The following GRIK2 variants were observed in gnomAD, a reference collection of about 807,000 sequenced individuals.
GRIK2 encodes glutamate receptor ionotropic, kainate 2.
Under a neutral mutation model 100.3 loss-of-function variants are expected in GRIK2, and 32 were observed. That is an observed-to-expected ratio of 0.32 (90% CI 0.24 to 0.43). GRIK2 has a LOEUF of 0.43. GRIK2 is among the 20% of genes least tolerant of loss of function. The pLI is 1.00. For synonymous variants in GRIK2, 417 were observed against 389.4 expected (o/e 1.07, Z -0.83); for missense variants, 843 against 1,114.9 (o/e 0.76, Z 3.47).
intron 7 of GRIK2, among the ~76,000 whole-genome samples, chr6:101,760,506 ATATATTT>A (rs1422894370): frequency 2.1e-5 from 1 of 47,876 alleles, no homozygotes; most frequent in African/African-American, 1.0e-4. Context: ...ATATTTAATT[ATATATTT>A]ATTATATATA....
chr6:101,844,644 A>G (rs1783702480), intron 10 of GRIK2, among the ~76,000 whole-genome samples: 2 of 152,218 alleles, frequency 1.3e-5, no homozygotes. Context: ...TGATTGTGCT[A>G]GATGTTTACA....
intron 15 of GRIK2, among the ~76,000 whole-genome samples, chr6:102,049,026 C>G (rs891943632): frequency 6.6e-6 from 1 of 151,704 alleles, no homozygotes; most frequent in African/African-American, 2.4e-5. Flanking sequence ...TTATTTTTTT[C>G]AAAAATTGGT....
At chr6:101,632,616 T>C (rs1014311141) in intron 4 of GRIK2, among the ~76,000 whole-genome samples, 3 of 152,148 alleles carry the variant, frequency 2.0e-5, no homozygotes, top group African/African-American at 7.2e-5. Context: ...GTTTCTTTGA[T>C]TTCAACTGCA....
intron 1 of GRIK2, among the ~76,000 whole-genome samples, chr6:101,397,213 C>G (rs571542644): frequency 1.8e-4 from 27 of 152,170 alleles, no homozygotes; most frequent in African/African-American, 5.5e-4. Flanking sequence ...TAGTAGATAT[C>G]AGTTATATTG....
At chr6:101,849,209 G>A (rs541663801) in intron 10 of GRIK2, among the ~76,000 whole-genome samples, 1 of 151,832 alleles carries the variant, frequency 6.6e-6, no homozygotes, top group Non-Finnish European at 1.5e-5. Flanking sequence ...AGTAAAGCAT[G>A]GTCTAGGTAG....
intron 12 of GRIK2, among the ~76,000 whole-genome samples, chr6:101,892,222 T>C (rs1417018001): frequency 6.6e-6 from 1 of 152,174 alleles, no homozygotes; most frequent in Admixed American, 6.5e-5. Context: ...TTTGGGTTAC[T>C]TCAAATTTGT....
intron 2 of GRIK2, among the ~76,000 whole-genome samples, chr6:101,556,131 A>G (rs1364852666): frequency 6.6e-6 from 1 of 151,792 alleles, no homozygotes; most frequent in Non-Finnish European, 1.5e-5. Flanking sequence ...TTATATCTCC[A>G]TAAATGCTCA....
chr6:101,754,379 C>G (rs1187548868), intron 7 of GRIK2, among the ~76,000 whole-genome samples: 1 of 152,148 alleles, frequency 6.6e-6, no homozygotes, highest in African/African-American at 2.4e-5. Context: ...GGAAACAAAG[C>G]TATTATGTTG....
intron 2 of GRIK2, among the ~76,000 whole-genome samples, chr6:101,562,625 G>C (rs1461065207): frequency 6.6e-6 from 1 of 152,042 alleles, no homozygotes; most frequent in African/African-American, 2.4e-5. Context: ...TTACAGGTGT[G>C]AGCCACCGTG....
chr6:101,459,633 C>G (rs1771190859), intron 2 of GRIK2, among the ~76,000 whole-genome samples: 1 of 152,116 alleles, frequency 6.6e-6, no homozygotes, highest in African/African-American at 2.4e-5. Flanking sequence ...ATAGGAAGTT[C>G]TAGGTTAACA....
chr6:102,050,584 T>C (rs546839510), intron 15 of GRIK2, among the ~76,000 whole-genome samples: 1 of 147,004 alleles, frequency 6.8e-6, no homozygotes, highest in East Asian at 2.0e-4. Flanking sequence ...GAGGCGGAGG[T>C]TGCAGTGAGC....
In GRIK2 at chr6:101,859,337, T is replaced by C. The variant is rs1784610310; in HGVS notation, c.1368T>C (p.Asn456=). Residue 456 remains asparagine (N), a synonymous_variant, in exon 11 of 17, where the codon AAT becomes AAC. Transcript: ENST00000369134. ...FKKSDKPLYG[N]DRFEGYCIDL... is the part of the protein sequence containing the mutation. ...AGTCTGACAAACCTCTCTATGGTAATGATCGATTTGAAGGCTATTGCATTG... is the reference window on the plus strand; with the variant it reads ...AGTCTGACAAACCTCTCTATGGTAACGATCGATTTGAAGGCTATTGCATTG... 1.9e-6 allele frequency: 3 copies of C among 1,605,700 alleles called. No homozygotes were observed. Among genetic ancestry groups the C allele is most frequent in the East Asian group, 2.2e-5 (1 of 44,784 alleles).
At chr6:101,846,167 T>G (rs112033609) in intron 10 of GRIK2, among the ~76,000 whole-genome samples, 36 of 152,294 alleles carry the variant, frequency 2.4e-4, no homozygotes, top group African/African-American at 8.7e-4. Flanking sequence ...CTTATGATAA[T>G]GTCCAATTTA....
intron 10 of GRIK2, among the ~76,000 whole-genome samples, chr6:101,830,435 A>C: frequency 6.6e-6 from 1 of 151,928 alleles, no homozygotes; most frequent in East Asian, 1.9e-4. Context: ...CTACTTAAAG[A>C]AGTTCTACAT....
At chr6:101,405,539 C>T (rs1455994322) in intron 2 of GRIK2, among the ~76,000 whole-genome samples, 4 of 151,728 alleles carry the variant, frequency 2.6e-5, no homozygotes, top group Non-Finnish European at 5.9e-5. Context: ...GTAGAGAAAC[C>T]ACAGAGACAA....
At chr6:101,394,242 C>T (rs1196584404) in intron 1 of GRIK2, among the ~76,000 whole-genome samples, 1 of 152,172 alleles carries the variant, frequency 6.6e-6, no homozygotes, top group South Asian at 2.1e-4. Flanking sequence ...CTTCTGCCCA[C>T]CCATCCTTCC....
At chr6:101,633,225 A>T (rs371025267) in intron 4 of GRIK2, among the ~76,000 whole-genome samples, 2 of 152,102 alleles carry the variant, frequency 1.3e-5, no homozygotes, top group African/African-American at 4.8e-5. Context: ...CCTGCTTTCA[A>T]ACCACCATGG....
At chr6:101,684,888 TGA>T (rs1196855748) in intron 6 of GRIK2, among the ~76,000 whole-genome samples, 8 of 152,112 alleles carry the variant, frequency 5.3e-5, no homozygotes, top group Non-Finnish European at 8.8e-5. Context: ...CCCTCTGGAA[TGA>T]GAGTCTTATG....
chr6:101,398,475 A>G lies in GRIK2; in HGVS notation c.-293-510A>G, dbSNP rs187584764. On this transcript the variant is annotated intron_variant, in intron 1 of 16. Coordinates refer to ENST00000369134, the MANE Select transcript of GRIK2 (RefSeq NM_021956.5). ...TCTATATTCATTCCTGGTCAAAATA[A>G]AAGTATAAATAAGACTCTTTCAATC... Among the ~76,000 whole-genome samples, 5 of 152,330 alleles carry G rather than the reference A, an allele frequency of 3.3e-5. No individual in the cohort carries two copies. The East Asian group carries it at 9.7e-4, about 29-fold the overall frequency.
Sources: gnomAD v4.1 joint callset for allele counts (sites outside exome capture counted in the v4.1 genomes callset) on GRCh38, gnomAD v4.1.1 for gene constraint, MANE v1.5 for transcripts, NCBI Gene and HGNC (gene_info 2026-07-23, HGNC 2026-07-21) for gene names.